HIVEP2: variants seen among roughly 807,000 people sequenced by gnomAD.
HIVEP2 encodes the protein transcription factor HIVEP2.
In HIVEP2, 14 loss-of-function variants were observed where a neutral mutation model predicts 180.7. That is an observed-to-expected ratio of 0.08 (90% confidence interval 0.05 to 0.12). The LOEUF (loss-of-function observed/expected upper bound fraction) is 0.12, where lower values mean the gene tolerates loss of function less well. HIVEP2 is among the 10% of genes least tolerant of loss of function. HIVEP2 has a pLI of 1.00. For missense variants in HIVEP2, 2,579 were observed against 3,008.5 expected (o/e 0.86, Z 3.34); for synonymous variants, 1,184 against 1,136.4 (o/e 1.04, Z -0.84).
At chr6:142,905,838 A>G (rs1221530912) in intron 1 of HIVEP2, among the ~76,000 whole-genome samples, 1 of 152,232 alleles carries the variant, frequency 6.6e-6, no homozygotes, top group East Asian at 1.9e-4. Flanking sequence ...GCAACATAAA[A>G]AATGATAATC....
At chr6:142,818,753 G>GAAAT (rs1247400979) in intron 2 of HIVEP2, among the ~76,000 whole-genome samples, 1 of 106,660 alleles carries the variant, frequency 9.4e-6, no homozygotes, top group Admixed American at 1.0e-4. Flanking sequence ...AAGAAAGAAA[G>GAAAT]AAAGAAAGAA....
chr6:142,900,146 G>A (rs970671476), intron 1 of HIVEP2, among the ~76,000 whole-genome samples: 2 of 152,176 alleles, frequency 1.3e-5, no homozygotes, highest in African/African-American at 4.8e-5. Context: ...AAGTGGAACA[G>A]AGCAAAAATA....
intron 2 of HIVEP2, among the ~76,000 whole-genome samples, chr6:142,801,436 T>A (rs1356674091): frequency 6.7e-6 from 1 of 148,334 alleles, no homozygotes; most frequent in Non-Finnish European, 1.5e-5. Flanking sequence ...AAAAAAAAAT[T>A]CTCACTTGAG....
At position 142,773,751 on chromosome 6, in the gene HIVEP2, T is replaced by C; in HGVS notation, c.988A>G (p.Ile330Val). The change falls in exon 5 of 10, where the codon ATC (isoleucine) becomes GTC (valine). Residue 330 changes from isoleucine to valine, a missense_variant. By Grantham distance (29) the Ile-to-Val change is conservative. This residue lies in a region of HIVEP2 where 142 missense variants were observed against 135.2 expected (regional missense o/e 1.05). Transcript: ENST00000367603. ...GGPMKVPILI[I>V]PKSGIPLPNE... ...GGGAGAGGAATCCCACTTTTAGGGA[T>C]AATCAAAATCGGCACCTTCATTGGA... 6.2e-7 allele frequency: 1 copy of C among 1,614,068 alleles called. No homozygotes were observed. The highest frequency in any genetic ancestry group is 2.2e-5 in the East Asian group (1 of 44,878).
At chr6:142,831,407 C>G (rs1236976560) in intron 2 of HIVEP2, among the ~76,000 whole-genome samples, 2 of 152,146 alleles carry the variant, frequency 1.3e-5, no homozygotes, top group African/African-American at 4.8e-5. Context: ...ACTGCTGCCC[C>G]CCACCCCACC....
At chr6:142,776,245 C>T (rs936602405) in intron 3 of HIVEP2, 54 bp from the exon 4 acceptor site, 2 of 152,494 alleles carry the variant, frequency 1.3e-5, no homozygotes, top group Admixed American at 6.5e-5. Context: ...ACCTTACCAT[C>T]GATATATACA....
At chr6:142,848,130 A>G (rs1001224651) in intron 1 of HIVEP2, among the ~76,000 whole-genome samples, 2 of 152,210 alleles carry the variant, frequency 1.3e-5, no homozygotes, top group African/African-American at 4.8e-5. Flanking sequence ...GGATTCCAAT[A>G]GCAAACTTTT....
At chr6:142,860,455 C>G (rs946644436) in intron 1 of HIVEP2, among the ~76,000 whole-genome samples, 2 of 152,154 alleles carry the variant, frequency 1.3e-5, no homozygotes, top group Non-Finnish European at 2.9e-5. Flanking sequence ...GTATTGTACA[C>G]TTTATTTCTA....
At position 142,768,513 on chromosome 6, in the gene HIVEP2, T is replaced by C. The variant is rs1775431012; in HGVS notation, c.5211A>G (p.Leu1737=). The change falls in exon 6 of 10, where the codon TTA becomes TTG. Residue 1737 remains leucine (L), a synonymous_variant. Coordinates refer to ENST00000367603, the MANE Select transcript of HIVEP2 (RefSeq NM_006734.4). ...FTQMKPDASF[L]FGSKLERKLV... is the part of the protein sequence containing the mutation. ...GTTTCCTTTCTAGTTTGCTGCCAAA[T>C]AAAAAGGACGCATCAGGTTTCATCT... is the stretch of plus-strand genomic sequence containing the variant. The C allele has an allele frequency of 1.2e-6, 2 of 1,613,368 alleles. No individual in the cohort carries two copies. Among genetic ancestry groups the C allele is most frequent in the Admixed American group, 1.7e-5 (1 of 59,898 alleles).
chr6:142,800,824 G>A (rs1776386322), intron 2 of HIVEP2, among the ~76,000 whole-genome samples: 1 of 152,058 alleles, frequency 6.6e-6, no homozygotes, highest in South Asian at 2.1e-4. Context: ...TCTCTCCCTA[G>A]GCTAATCCAA....
intron 1 of HIVEP2, among the ~76,000 whole-genome samples, chr6:142,917,828 C>T (rs372686597): frequency 2.6e-4 from 40 of 152,172 alleles, no homozygotes; most frequent in East Asian, 7.7e-4. Context: ...CAGGCTACAG[C>T]GCAGTGGAGC....
At chr6:142,885,433 A>G (rs1582940888) in intron 1 of HIVEP2, among the ~76,000 whole-genome samples, 1 of 151,898 alleles carries the variant, frequency 6.6e-6, no homozygotes, top group South Asian at 2.1e-4. Context: ...TCAAGCATTC[A>G]GGGAATTTAA....
chr6:142,842,774 C>T (rs184310099), intron 1 of HIVEP2, among the ~76,000 whole-genome samples: 3 of 151,480 alleles, frequency 2.0e-5, no homozygotes, highest in African/African-American at 7.3e-5. Flanking sequence ...AAAAGGAAAT[C>T]GTACTTTCTG....
intron 1 of HIVEP2, among the ~76,000 whole-genome samples, chr6:142,916,394 C>T (rs960423530): frequency 1.3e-5 from 2 of 152,266 alleles, no homozygotes; most frequent in Admixed American, 6.5e-5. Context: ...CTGTGTGGAC[C>T]AAGCCCTGTG....
chr6:142,919,407 A>T (rs1276680487), intron 1 of HIVEP2, among the ~76,000 whole-genome samples: 2 of 152,198 alleles, frequency 1.3e-5, no homozygotes, highest in Non-Finnish European at 2.9e-5. Flanking sequence ...AAATCCTATT[A>T]TATTCTTATT....
intron 1 of HIVEP2, among the ~76,000 whole-genome samples, chr6:142,894,514 A>T (rs1776936090): frequency 6.6e-6 from 1 of 152,216 alleles, no homozygotes; most frequent in African/African-American, 2.4e-5. Context: ...AAAGCTCAAG[A>T]CAACTGTAAC....
intron 1 of HIVEP2, among the ~76,000 whole-genome samples, chr6:142,881,306 CT>C (rs1776569527): frequency 6.6e-6 from 1 of 152,128 alleles, no homozygotes; most frequent in South Asian, 2.1e-4. Flanking sequence ...GTTTAAATAT[CT>C]ATAAATCATC....
chr6:142,861,495 A>AG (rs937283483), intron 1 of HIVEP2, among the ~76,000 whole-genome samples: 60 of 152,238 alleles, frequency 3.9e-4, no homozygotes, highest in African/African-American at 1.4e-3. Flanking sequence ...TATTACTTGA[A>AG]GGTATCCTTG....
intron 1 of HIVEP2, among the ~76,000 whole-genome samples, chr6:142,885,179 G>A (rs551219339): frequency 2.0e-5 from 3 of 152,044 alleles, no homozygotes; most frequent in Non-Finnish European, 4.4e-5. Flanking sequence ...GTTACTCTGC[G>A]CAGCCCATGG....
Sources: gnomAD v4.1 joint callset for allele counts (sites outside exome capture counted in the v4.1 genomes callset) on GRCh38, gnomAD v4.1.1 for gene constraint, gnomAD v4.1.1 regional missense constraint, MANE v1.5 for transcripts, NCBI Gene and HGNC (gene_info 2026-07-23, HGNC 2026-07-21) for gene names.